TJP1: variants seen among roughly 807,000 people sequenced by gnomAD.
TJP1 encodes the protein tight junction protein 1, also known as tight junction protein ZO-1.
A neutral mutation model predicts 194.2 loss-of-function variants in TJP1; 43 were observed. The observed-to-expected ratio is 0.22, with a 90% CI of 0.17 to 0.29. The LOEUF is 0.29. TJP1 is among the 10% of genes least tolerant of loss of function. TJP1 has a pLI of 1.00. For missense variants in TJP1, 1,971 were observed against 2,185.7 expected (o/e 0.90, Z 1.96); for synonymous variants, 801 against 779.0 (o/e 1.03, Z -0.47).
chr15:29,711,264 G>C (rs2042226634), intron 23 of TJP1, among the ~76,000 whole-genome samples: 1 of 152,070 alleles, frequency 6.6e-6, no homozygotes, highest in Non-Finnish European at 1.5e-5. Flanking sequence ...TGAAATTTTG[G>C]GTATAGTTTA....
intron 8 of TJP1, among the ~76,000 whole-genome samples, chr15:29,748,560 AATT>A: frequency 7.6e-6 from 1 of 130,856 alleles, no homozygotes. Context: ...AAACCTTCCT[AATT>A]CTTTTTTTTT....
intron 2 of TJP1, among the ~76,000 whole-genome samples, chr15:29,887,635 A>C (rs753672469): frequency 7.4e-4 from 112 of 152,304 alleles, no homozygotes; most frequent in Non-Finnish European, 1.1e-3. Flanking sequence ...CTAGGAAAAA[A>C]AATGACTTTC....
intron 5 of TJP1, among the ~76,000 whole-genome samples, chr15:29,765,800 G>C (rs2046294785): frequency 6.6e-6 from 1 of 152,190 alleles, no homozygotes. Flanking sequence ...GCTGAAGTGG[G>C]AGGACTGCTT....
intron 4 of TJP1, among the ~76,000 whole-genome samples, chr15:29,767,810 C>T (rs373489848): frequency 6.6e-6 from 1 of 151,992 alleles, no homozygotes; most frequent in African/African-American, 2.4e-5. Flanking sequence ...TTTATTTGGT[C>T]CTCTTTCCTT....
intron 3 of TJP1, 79 bp downstream of exon 3, chr15:29,773,154 C>T (rs1012533838): frequency 2.7e-6 from 4 of 1,493,808 alleles, no homozygotes; most frequent in Non-Finnish European, 3.6e-6. Flanking sequence ...ATCACTAAGA[C>T]AGTGTAAGAC....
intron 1 of TJP1, among the ~76,000 whole-genome samples, chr15:29,816,652 T>C (rs536267450): frequency 6.6e-6 from 1 of 152,298 alleles, no homozygotes; most frequent in Non-Finnish European, 1.5e-5. Context: ...ACTATCATAA[T>C]TAAAACACTG....
At chr15:29,830,191 A>G (rs1016178330) in intron 2 of TJP1, among the ~76,000 whole-genome samples, 2 of 151,992 alleles carry the variant, frequency 1.3e-5, no homozygotes, top group Non-Finnish European at 2.9e-5. Context: ...TTAATTCAGT[A>G]GTCTTTTAGT....
chr15:29,804,579 C>T (rs2048999191), intron 1 of TJP1, among the ~76,000 whole-genome samples: 1 of 152,184 alleles, frequency 6.6e-6, no homozygotes, highest in African/African-American at 2.4e-5. Context: ...GAAAGGAAAA[C>T]CAGGTAGGAG....
intron 8 of TJP1, 61 bp from the exon 9 acceptor site, chr15:29,742,842 G>T: frequency 1.3e-6 from 2 of 1,481,986 alleles, no homozygotes; most frequent in Non-Finnish European, 1.8e-6. Flanking sequence ...GCATCTGTAA[G>T]AGAACAGTAT....
At chr15:29,876,595 T>C (rs1431483856) in intron 2 of TJP1, among the ~76,000 whole-genome samples, 1 of 152,194 alleles carries the variant, frequency 6.6e-6, no homozygotes, top group Non-Finnish European at 1.5e-5. Context: ...GTGTATTTTA[T>C]GTGTGGCTGA....
intron 2 of TJP1, among the ~76,000 whole-genome samples, chr15:29,853,459 G>A (rs1417393954): frequency 6.6e-6 from 1 of 152,102 alleles, no homozygotes; most frequent in African/African-American, 2.4e-5. Context: ...TAATATCCTG[G>A]TTATCCTTCT....
intron 8 of TJP1, among the ~76,000 whole-genome samples, chr15:29,752,350 C>A (rs2045347093): frequency 6.6e-6 from 1 of 152,122 alleles, no homozygotes; most frequent in Non-Finnish European, 1.5e-5. Context: ...TGATCTTGCC[C>A]ACCTTGGCCT....
intron 1 of TJP1, chr15:29,968,221 C>T: frequency 1.0e-6 from 1 of 985,434 alleles, no homozygotes; most frequent in Non-Finnish European, 1.2e-6. Context: ...ACTATGCACT[C>T]AGCAGCAGAC....
intron 2 of TJP1, among the ~76,000 whole-genome samples, chr15:29,779,525 G>A (rs528621174): frequency 2.6e-5 from 4 of 152,204 alleles, no homozygotes; most frequent in Non-Finnish European, 4.4e-5. Context: ...ACAAGTCATC[G>A]CAGTGACTGG....
chr15:29,773,177 C>T lies in TJP1; in HGVS notation c.209+56G>A, dbSNP rs187247258. 5.3e-5 allele frequency: 85 copies of T among 1,601,148 alleles called. No homozygotes were observed. In the Admixed American group the frequency reaches 1.4e-3, roughly 27 times the overall value. ...GACAGTGTAAGACAGTACGCCAGTGCCTGAGGAGAGGAACACTGCTTGTTG... is the reference window on the plus strand; with the variant it reads ...GACAGTGTAAGACAGTACGCCAGTGTCTGAGGAGAGGAACACTGCTTGTTG... On this transcript the variant is annotated intron_variant, in intron 3 of 27. Transcript: ENST00000614355.
At chr15:29,825,555 G>A (rs184294460), upstream of TJP1, among the ~76,000 whole-genome samples, 195 of 152,240 alleles carry the variant, frequency 1.3e-3, 1 homozygote, top group Non-Finnish European at 2.2e-3. Flanking sequence ...AAACAGCCTT[G>A]ACCAAATGAA....
intron 23 of TJP1, among the ~76,000 whole-genome samples, chr15:29,715,017 T>C (rs1212284283): frequency 6.6e-6 from 1 of 152,242 alleles, no homozygotes; most frequent in African/African-American, 2.4e-5. Context: ...TGAGCTCCTA[T>C]GGCTCAGTGC....
In TJP1 at chr15:29,901,694, G is replaced by A. The variant is rs981176513; in HGVS notation, c.306+54538C>T. 3.3e-5 allele frequency among the ~76,000 whole-genome samples: 5 copies of A among 152,078 alleles called. No individual in the cohort carries two copies. The East Asian group carries it at 5.8e-4, about 18-fold the overall frequency. ...AAAATTAGCCAGCTTGGTGGCGGGC[G>A]CCTGTAATCCCAGCTACTCAGGAGG... On this transcript the variant is annotated intron_variant, in intron 2 of 28. Transcript: ENST00000356107.
Position 29,716,657 on chromosome 15 carries a change from G to T in TJP1, c.4156C>A (p.Pro1386Thr). The stretch of plus-strand genomic sequence containing the variant: ...TTTGATTGATTCTGAGAATGCGCTG[G>T]CTTTGCAGGCTCGGAGAGATGGCTG... ...AASHLSEPAK[P>T]AHSQNQSNFS... Residue 1386 changes from proline (P) to threonine (T), a missense_variant, in exon 23 of 28, where the codon CCA becomes ACA. Pro to Thr is a conservative substitution (Grantham distance 38). This residue lies in a region of TJP1 where 1,108 missense variants were observed against 1,128.5 expected (regional missense o/e 0.98). Coordinates refer to ENST00000614355, the MANE Select transcript of TJP1 (RefSeq NM_001330239.4). 6.2e-7 allele frequency: 1 copy of T among 1,613,884 alleles called. No individual in the cohort carries two copies. The highest frequency in any genetic ancestry group is 8.5e-7 in the Non-Finnish European group (1 of 1,179,808).
Sources: allele counts gnomAD v4.1 joint callset (sites outside exome capture counted in the v4.1 genomes callset), GRCh38; gene constraint gnomAD v4.1.1; regional missense constraint gnomAD v4.1.1; transcripts MANE v1.5; gene names NCBI Gene and HGNC (gene_info 2026-07-23, HGNC 2026-07-21).